Variants in CHST9 observed in about 807,000 individuals in gnomAD.
CHST9 encodes the protein GalNAc-4-sulfotransferase 2.
CHST9 carries 41 observed loss-of-function variants against 44.4 expected under a neutral mutation model. That is an observed-to-expected ratio of 0.92 (90% CI 0.72 to 1.20). The LOEUF (loss-of-function observed/expected upper bound fraction) is 1.20, where lower values mean the gene tolerates loss of function less well. Ranked by LOEUF, CHST9 falls within the 50% of genes most tolerant of loss-of-function variation. The pLI, the probability that CHST9 is intolerant of heterozygous loss-of-function variation, is 0.00. For synonymous variants in CHST9, 171 were observed against 178.4 expected, an observed-to-expected ratio of 0.96 and a Z score of 0.33; for missense variants, 504 against 516.5, an observed-to-expected ratio of 0.98 and a Z score of 0.23.
chr18:27,182,615 A>C (rs76557577), intron 1 of CHST9, among the ~76,000 whole-genome samples: 217 of 152,322 alleles, frequency 1.4e-3, no homozygotes, highest in African/African-American at 5.1e-3. Flanking sequence ...AAAATACCGT[A>C]ATATTGAAGC....
chr18:27,173,358 A>C (rs564563392), intron 1 of CHST9, among the ~76,000 whole-genome samples: 18 of 152,186 alleles, frequency 1.2e-4, no homozygotes, highest in Admixed American at 5.2e-4. Flanking sequence ...TTCTACACTG[A>C]AACTGCATTC....
intron 2 of CHST9, among the ~76,000 whole-genome samples, chr18:27,079,480 C>T (rs1410298387): frequency 1.3e-5 from 2 of 151,862 alleles, no homozygotes; most frequent in Non-Finnish European, 2.9e-5. Context: ...TTTACTTTAT[C>T]AAATTAGCAC....
chr18:27,150,208 A>C (rs2058648914), intron 1 of CHST9, among the ~76,000 whole-genome samples: 1 of 151,252 alleles, frequency 6.6e-6, no homozygotes, highest in African/African-American at 2.4e-5. Context: ...TCTTTTTCAG[A>C]GCTAAGTTTT....
intron 5 of CHST9, among the ~76,000 whole-genome samples, chr18:26,940,556 G>C (rs891610537): frequency 2.6e-5 from 4 of 152,184 alleles, no homozygotes; most frequent in African/African-American, 9.6e-5. Flanking sequence ...GAGGCTAACA[G>C]GAGAGCCTCA....
chr18:27,090,684 A>T (rs1350966869), intron 2 of CHST9, among the ~76,000 whole-genome samples: 2 of 152,132 alleles, frequency 1.3e-5, no homozygotes, highest in Non-Finnish European at 2.9e-5. Context: ...TTTTCCCAGT[A>T]CCATTTATTA....
intron 2 of CHST9, among the ~76,000 whole-genome samples, chr18:27,075,238 T>C (rs2057891210): frequency 6.6e-6 from 1 of 151,680 alleles, no homozygotes; most frequent in Admixed American, 6.6e-5. Flanking sequence ...TGGGTTGATA[T>C]TTGTCACGCT....
chr18:26,916,188 A>G lies in CHST9; in HGVS notation c.*71T>C, dbSNP rs1245208151. ...TTAAATTTCTGTCATACAGAGAATT[A>G]TAGAAAAATTACAGCTGATTTGAAC... On this transcript the variant is annotated 3_prime_UTR_variant, in exon 6 of 6. Transcript: ENST00000618847. 1.7e-6 allele frequency: 2 copies of G among 1,196,478 alleles called. No individual in the cohort carries two copies. Among genetic ancestry groups the G allele is most frequent in the African/African-American group, 3.1e-5 (2 of 65,224 alleles). The allele number at this position is 1,196,478 out of a possible 1,614,324, so 74.1% of individuals were successfully genotyped here.
In CHST9 at chr18:27,123,463, T is replaced by C. The variant is rs989485168; in HGVS notation, c.121+19226A>G. Among the ~76,000 whole-genome samples the C allele has an allele frequency of 5.9e-5, 9 of 152,256 alleles. No homozygotes were observed. In the South Asian group the frequency reaches 8.3e-4, roughly 14 times the overall value. The stretch of plus-strand genomic sequence containing the variant: ...TGAAATTATGTAGGGTTTTTAAAAA[T>C]AGAGACTTGCATTTATAGATAAAAA... On this transcript the variant is annotated intron_variant, in intron 2 of 5. Transcript: ENST00000618847.
At chr18:26,951,513 A>G (rs1370106971) in intron 4 of CHST9, among the ~76,000 whole-genome samples, 1 of 152,118 alleles carries the variant, frequency 6.6e-6, no homozygotes, top group Non-Finnish European at 1.5e-5. Context: ...GACCTTCTTC[A>G]GCCATGCATA....
chr18:26,974,211 G>A (rs2056589076), intron 4 of CHST9, among the ~76,000 whole-genome samples: 1 of 152,126 alleles, frequency 6.6e-6, no homozygotes, highest in South Asian at 2.1e-4. Flanking sequence ...AAGAAATAAG[G>A]GACTAATAAG....
chr18:27,101,914 T>C (rs1405087808), intron 2 of CHST9, among the ~76,000 whole-genome samples: 2 of 152,308 alleles, frequency 1.3e-5, no homozygotes, highest in Non-Finnish European at 2.9e-5. Context: ...GACTACACAA[T>C]TGTTCCTTCA....
rs536992995 is a variant in CHST9 at position 27,018,302 on chromosome 18, G to C, written c.202+5814C>G. 7.0e-4 allele frequency among the ~76,000 whole-genome samples: 106 copies of C among 152,316 alleles called. 1 individual carries two copies. Among genetic ancestry groups the C allele is most frequent in the African/African-American group, 2.3e-3 (96 of 41,570 alleles). ...AATGAGAAGGAGAAAAATACTTGCT[G>C]ATCAGCTTATTAGAATATTATGTTC... is the stretch of plus-strand genomic sequence containing the variant. On this transcript the variant is annotated intron_variant, in intron 4 of 5. Coordinates refer to ENST00000618847, the MANE Select transcript of CHST9 (RefSeq NM_031422.6).
intron 4 of CHST9, among the ~76,000 whole-genome samples, chr18:26,950,695 A>G (rs1302063757): frequency 1.3e-5 from 2 of 152,160 alleles, no homozygotes; most frequent in African/African-American, 4.8e-5. Flanking sequence ...TGTAGAAATG[A>G]TGTAATGGAC....
At chr18:26,939,512 A>C (rs776049534) in intron 5 of CHST9, among the ~76,000 whole-genome samples, 5 of 152,216 alleles carry the variant, frequency 3.3e-5, no homozygotes, top group Non-Finnish European at 7.3e-5. Context: ...CAAATGTCTG[A>C]GCAGGATCAT....
chr18:27,170,366 A>G (rs964399340), intron 1 of CHST9, among the ~76,000 whole-genome samples: 1 of 152,212 alleles, frequency 6.6e-6, no homozygotes, highest in Non-Finnish European at 1.5e-5. Context: ...TTAATGGAGC[A>G]GAATTTCTCC....
chr18:27,089,486 A>ATAGTATTCCGTGGTGTATATGTGC (rs1198442063), intron 2 of CHST9, among the ~76,000 whole-genome samples: 3 of 152,168 alleles, frequency 2.0e-5, no homozygotes, highest in Non-Finnish European at 2.9e-5. Context: ...TTATGGCTGC[A>ATAGTATTCCGTGGTGTATATGTGC]TAGTATTCCG....
intron 4 of CHST9, among the ~76,000 whole-genome samples, chr18:27,011,473 A>T (rs1242179705): frequency 6.6e-6 from 1 of 152,112 alleles, no homozygotes; most frequent in East Asian, 1.9e-4. Flanking sequence ...CAGGCTGGGG[A>T]AAAAAACAGA....
intron 3 of CHST9, among the ~76,000 whole-genome samples, chr18:27,040,089 G>C (rs764475987): frequency 3.9e-5 from 6 of 152,130 alleles, no homozygotes; most frequent in Non-Finnish European, 7.3e-5. Flanking sequence ...AAATGTATTA[G>C]AGATTTATAG....
intron 4 of CHST9, among the ~76,000 whole-genome samples, chr18:26,970,291 T>A (rs1229194401): frequency 6.6e-6 from 1 of 152,230 alleles, no homozygotes; most frequent in Non-Finnish European, 1.5e-5. Flanking sequence ...AGATTCAAGA[T>A]CTTGCAAAAT....
Sources: allele counts gnomAD v4.1 joint callset (sites outside exome capture counted in the v4.1 genomes callset), GRCh38; gene constraint gnomAD v4.1.1; transcripts MANE v1.5; gene names NCBI Gene and HGNC (gene_info 2026-07-23, HGNC 2026-07-21).